ZNF430: variants seen among roughly 807,000 people sequenced by gnomAD.
ZNF430 encodes the protein zinc finger protein 430.
A neutral mutation model predicts 56.7 loss-of-function variants in ZNF430; 35 were observed. The observed-to-expected ratio is 0.62, with a 90% CI of 0.47 to 0.82. The LOEUF (loss-of-function observed/expected upper bound fraction) is 0.82, where lower values mean the gene tolerates loss of function less well. Among genes scored for constraint, ZNF430 ranks in the 40% least tolerant of loss-of-function variants. ZNF430 has a pLI of 0.00. For missense variants in ZNF430, 574 were observed against 661.0 expected (o/e 0.87, Z 1.44); for synonymous variants, 212 against 224.3 (o/e 0.94, Z 0.49).
At chr19:21,043,260 A>G (rs1968138269) in intron 4 of ZNF430, among the ~76,000 whole-genome samples, 2 of 152,110 alleles carry the variant, frequency 1.3e-5, no homozygotes, top group South Asian at 4.1e-4. Flanking sequence ...TTGGTTTCAT[A>G]TTTAAGTCTT....
intron 4 of ZNF430, among the ~76,000 whole-genome samples, chr19:21,042,973 T>G (rs1422107403): frequency 6.6e-6 from 1 of 152,186 alleles, no homozygotes; most frequent in Non-Finnish European, 1.5e-5. Flanking sequence ...TGGGGTTGTT[T>G]TATTCTTGTA....
Position 21,058,941 on chromosome 19 carries a change from T to G in ZNF430, c.*920T>G, listed in dbSNP as rs1268822483. 1 of 152,198 alleles carries G rather than the reference T, an allele frequency of 6.6e-6. No individual in the cohort carries two copies. The highest frequency in any genetic ancestry group is 2.4e-5 in the African/African-American group (1 of 41,450). The allele number at this position is 152,198 out of a possible 1,614,324, so 9.4% of individuals were successfully genotyped here. A position where few individuals can be genotyped will look rare whatever the true frequency, so the allele number is the denominator to read the frequency against. Reference sequence around the variant, plus strand: ...GTAGTACCTTTATTTGTATCACAGATTTTATTGTACACATTTTGTACTAGA... The same window carrying G: ...GTAGTACCTTTATTTGTATCACAGAGTTTATTGTACACATTTTGTACTAGA... On this transcript the variant is annotated 3_prime_UTR_variant, in exon 5 of 5. Coordinates refer to ENST00000261560, the MANE Select transcript of ZNF430 (RefSeq NM_025189.4).
intron 4 of ZNF430, chr19:21,049,657 G>C (rs7507514): frequency 8.6e-5 from 3 of 35,014 alleles, no homozygotes; most frequent in Non-Finnish European, 2.3e-4. Context: ...TTCTTGTTAC[G>C]TTTCCTGCAA....
intron 4 of ZNF430, among the ~76,000 whole-genome samples, chr19:21,055,848 C>T (rs752054752): frequency 6.6e-6 from 1 of 152,174 alleles, no homozygotes; most frequent in South Asian, 2.1e-4. Flanking sequence ...TAGCTTTGGT[C>T]TCAGCAGACT....
chr19:21,026,697 G>A (rs1967802392), intron 2 of ZNF430, among the ~76,000 whole-genome samples: 1 of 152,044 alleles, frequency 6.6e-6, no homozygotes, highest in East Asian at 1.9e-4. Context: ...CTTTGCTAAA[G>A]TTGTTTATTA....
intron 1 of ZNF430, among the ~76,000 whole-genome samples, chr19:21,022,114 A>G (rs1967701335): frequency 6.6e-6 from 1 of 152,160 alleles, no homozygotes; most frequent in African/African-American, 2.4e-5. Context: ...CTGGGATTAC[A>G]GGCGTGAGCT....
At chr19:21,021,100 A>G (rs1974290066) in intron 1 of ZNF430, among the ~76,000 whole-genome samples, 3 of 152,102 alleles carry the variant, frequency 2.0e-5, no homozygotes, top group Admixed American at 2.0e-4. Context: ...GGACCACGGG[A>G]GGATCGTCAC....
Position 21,057,500 on chromosome 19 carries a change from G to A in ZNF430, c.1192G>A (p.Glu398Lys). The A allele has an allele frequency of 6.2e-7, 1 of 1,613,578 alleles. No individual in the cohort carries two copies. The highest frequency in any genetic ancestry group is 1.3e-5 in the African/African-American group (1 of 74,984). ...LTKHKIIHTGEKFYKCEECGK... is the reference protein window; with the variant it reads ...LTKHKIIHTGKKFYKCEECGK... ...TAAACATAAGATAATTCATACTGGA[G>A]AGAAATTCTACAAATGTGAAGAATG... The change falls in exon 5 of 5, where the codon GAG becomes AAG. Residue 398 changes from glutamate (E) to lysine (K), a missense_variant. Around this residue, in one of 3 missense-constraint regions of ZNF430, gnomAD observed 213 missense variants for 221.0 expected, o/e 0.96. Coordinates refer to ENST00000261560, the MANE Select transcript of ZNF430 (RefSeq NM_025189.4).
At chr19:21,052,870 G>A (rs1164739561) in intron 4 of ZNF430, among the ~76,000 whole-genome samples, 3 of 152,232 alleles carry the variant, frequency 2.0e-5, no homozygotes, top group African/African-American at 7.2e-5. Flanking sequence ...TGACGGTCTT[G>A]CAAGATTGAG....
intron 2 of ZNF430, among the ~76,000 whole-genome samples, chr19:21,030,046 C>T (rs1196148667): frequency 7.0e-6 from 1 of 142,194 alleles, no homozygotes; most frequent in African/African-American, 2.6e-5. Context: ...AACCCAAAAA[C>T]AGATAAATGA....
intron 2 of ZNF430, among the ~76,000 whole-genome samples, chr19:21,030,267 C>T (rs1262454373): frequency 6.6e-6 from 1 of 152,028 alleles, no homozygotes; most frequent in Admixed American, 6.6e-5. Context: ...CTGTATTTAA[C>T]TTTTATTCTA....
chr19:21,057,723 T>C lies in ZNF430; in HGVS notation c.1415T>C (p.Leu472Pro). Residue 472 changes from leucine (L) to proline (P), a missense_variant, in exon 5 of 5, where the codon CTT becomes CCT. Transcript: ENST00000261560. ...AAAGCCTTTAACCGGTCCCCAAAAC[T>C]TACTGCACATAAGGTAATTCATTCT... ...CGKAFNRSPK[L>P]TAHKVIHSGE... 1 of 1,605,204 alleles carries C rather than the reference T, an allele frequency of 6.2e-7. No individual in the cohort carries two copies. Among genetic ancestry groups the C allele is most frequent in the South Asian group, 1.1e-5 (1 of 89,474 alleles).
At chr19:21,049,130 C>G (rs8113520) in intron 4 of ZNF430, among the ~76,000 whole-genome samples, 8,349 of 135,634 alleles carry the variant, frequency 0.062, 609 homozygotes, top group African/African-American at 0.18. Flanking sequence ...GCCGAGATTG[C>G]GCCACTGCAC....
intron 2 of ZNF430, among the ~76,000 whole-genome samples, chr19:21,024,504 A>T (rs1007525325): frequency 6.6e-6 from 1 of 152,110 alleles, no homozygotes; most frequent in African/African-American, 2.4e-5. Context: ...AGACGGCCGG[A>T]TGCTGTGGCT....
In ZNF430 at chr19:21,057,466, A is replaced by G. The variant is rs1224514587; in HGVS notation, c.1158A>G (p.Ser386=). 1.2e-6 allele frequency: 2 copies of G among 1,613,714 alleles called. No homozygotes were observed. Among genetic ancestry groups the G allele is most frequent in the Non-Finnish European group, 1.7e-6 (2 of 1,179,972 alleles). The change falls in exon 5 of 5, where the codon TCA becomes TCG. Residue 386 remains serine (S), a synonymous_variant. Coordinates refer to ENST00000261560, the MANE Select transcript of ZNF430 (RefSeq NM_025189.4). The part of the protein sequence containing the change: ...EECGKAFYRF[S]YLTKHKIIHT... ...GTGGCAAAGCTTTTTACCGATTCTC[A>G]TACCTTACTAAACATAAGATAATTC...
At chr19:21,035,447 T>TA (rs1451659414) in intron 4 of ZNF430, 2 of 153,948 alleles carry the variant, frequency 1.3e-5, no homozygotes, top group Non-Finnish European at 2.9e-5. Context: ...TTTTTATATA[T>TA]AAAATCATAT....
At chr19:21,044,849 T>G (rs983651907) in intron 4 of ZNF430, among the ~76,000 whole-genome samples, 8 of 152,240 alleles carry the variant, frequency 5.3e-5, no homozygotes, top group African/African-American at 1.9e-4. Flanking sequence ...TTCTTCTAGC[T>G]TTTTCAGTTT....
At chr19:21,042,743 G>T in intron 4 of ZNF430, among the ~76,000 whole-genome samples, 1 of 151,480 alleles carries the variant, frequency 6.6e-6, no homozygotes, top group East Asian at 1.9e-4. Flanking sequence ...AGCCGAGATC[G>T]CGCCACTGCA....
At chr19:21,047,916 G>A (rs556343358) in intron 4 of ZNF430, among the ~76,000 whole-genome samples, 2 of 152,154 alleles carry the variant, frequency 1.3e-5, no homozygotes, top group Non-Finnish European at 2.9e-5. Flanking sequence ...GTACTGCCTG[G>A]ATTGCTCAGA....
Sources: gnomAD v4.1 joint callset for allele counts (sites outside exome capture counted in the v4.1 genomes callset) on GRCh38, gnomAD v4.1.1 for gene constraint, gnomAD v4.1.1 regional missense constraint, MANE v1.5 for transcripts, NCBI Gene and HGNC (gene_info 2026-07-23, HGNC 2026-07-21) for gene names.